Variants in TNRC6C observed in about 807,000 individuals in gnomAD.
TNRC6C encodes the protein trinucleotide repeat-containing gene 6C protein.
In TNRC6C, 20 loss-of-function variants were observed where a neutral mutation model predicts 153.7. The observed-to-expected ratio is 0.13, with a 90% CI of 0.09 to 0.19. The LOEUF is 0.19. TNRC6C is among the 10% of genes least tolerant of loss of function. The pLI is 1.00. For synonymous variants in TNRC6C, 811 were observed against 841.4 expected, an observed-to-expected ratio of 0.96 and a Z score of 0.63; for missense variants, 1,987 against 2,172.0, an observed-to-expected ratio of 0.91 and a Z score of 1.69.
chr17:78,036,858 A>G (rs1402606607), intron 2 of TNRC6C, among the ~76,000 whole-genome samples: 1 of 151,842 alleles, frequency 6.6e-6, no homozygotes, highest in Non-Finnish European at 1.5e-5. Context: ...CAGGAGGCAG[A>G]GGTTGCAGTG....
intron 2 of TNRC6C, among the ~76,000 whole-genome samples, chr17:78,042,587 A>T (rs1310562847): frequency 1.3e-5 from 2 of 151,264 alleles, no homozygotes. Context: ...TTTTTAACGA[A>T]ATTTAACCTT....
At chr17:78,071,186 C>A (rs1448044011) in intron 6 of TNRC6C, 21 bp downstream of exon 8, 15 of 1,582,982 alleles carry the variant, frequency 9.5e-6, no homozygotes, top group Non-Finnish European at 1.3e-5. Context: ...TCGTAGTTTA[C>A]TGCTACCCAC....
chr17:78,067,944 G>A (rs546089343), intron 5 of TNRC6C, 21 bp downstream of exon 7: 18 of 1,587,458 alleles, frequency 1.1e-5, no homozygotes, highest in Middle Eastern at 1.7e-4. Context: ...CACTCTTAAC[G>A]ACGGTACACC....
chr17:78,010,949 A>T (rs1046632379), intron 1 of TNRC6C, among the ~76,000 whole-genome samples: 1 of 152,234 alleles, frequency 6.6e-6, no homozygotes, highest in Non-Finnish European at 1.5e-5. Flanking sequence ...CCTAGCGGCA[A>T]GGAAGCGGGG....
At chr17:78,090,863 A>G (rs2073381221) in intron 13 of TNRC6C, among the ~76,000 whole-genome samples, 1 of 152,260 alleles carries the variant, frequency 6.6e-6, no homozygotes, top group South Asian at 2.1e-4. Context: ...CACTAAAGGT[A>G]GAACTGAATT....
At chr17:78,098,497 G>T (rs1449857855) in exon 17 of TNRC6C, 1 of 1,613,786 alleles carries the variant, frequency 6.2e-7, no homozygotes, top group Non-Finnish European at 8.5e-7. Context: ...CCTCCACCTG[G>T]GGTGCCAGCC....
Position 77,997,388 on chromosome 17 carries a change from C to T in TNRC6C, c.-37-6782C>T, listed in dbSNP as rs567767272. Among the ~76,000 whole-genome samples the T allele has an allele frequency of 4.0e-4, 61 of 152,300 alleles. 2 individuals carry two copies. The South Asian group carries it at 0.012, about 31-fold the overall frequency. Reference sequence around the variant, plus strand: ...TATAGGTCCCTGCTGTCATCTCTTCCTAACTAGTAATCAAATCCCAGTGCT... The same window carrying T: ...TATAGGTCCCTGCTGTCATCTCTTCTTAACTAGTAATCAAATCCCAGTGCT... On this transcript the variant is annotated intron_variant, in intron 1 of 22. Transcript: ENST00000636222.
At chr17:77,997,855 C>T (rs951940418) in intron 1 of TNRC6C, among the ~76,000 whole-genome samples, 2 of 151,908 alleles carry the variant, frequency 1.3e-5, no homozygotes, top group Non-Finnish European at 2.9e-5. Context: ...GGGGTTTCAC[C>T]GTGTTAGCCA....
At chr17:78,090,671 G>A (rs1055117117) in intron 13 of TNRC6C, among the ~76,000 whole-genome samples, 2 of 152,168 alleles carry the variant, frequency 1.3e-5, no homozygotes, top group African/African-American at 4.8e-5. Flanking sequence ...GCTTAGTGCA[G>A]GTCCTGGACA....
At chr17:78,064,628 C>T in intron 3 of TNRC6C, 94 bp from the exon 6 acceptor site, 1 of 1,213,090 alleles carries the variant, frequency 8.2e-7, no homozygotes, top group Non-Finnish European at 1.2e-6. Context: ...GATAGATTAT[C>T]TTGAAATTAT....
chr17:78,071,163 C>T (rs756746618), exon 6 of TNRC6C: 1 of 1,600,590 alleles, frequency 6.2e-7, no homozygotes, highest in Non-Finnish European at 8.5e-7. Flanking sequence ...CATGGGCTTC[C>T]CGGTAACTGG....
chr17:78,065,572 A>G (rs1477536242), intron 4 of TNRC6C, among the ~76,000 whole-genome samples: 5 of 152,200 alleles, frequency 3.3e-5, no homozygotes, highest in Non-Finnish European at 7.3e-5. Flanking sequence ...TAAACCTGCT[A>G]TTTCACTGAG....
At chr17:77,975,117 GA>G (rs550548933) in intron 1 of TNRC6C, among the ~76,000 whole-genome samples, 101 of 152,132 alleles carry the variant, frequency 6.6e-4, no homozygotes, top group African/African-American at 2.0e-3. Context: ...TGTATGGGGG[GA>G]AAAAAATTCT....
At chr17:78,107,915 A>T (rs2073731402) in exon 20 of TNRC6C, 1 of 152,202 alleles carries the variant, frequency 6.6e-6, no homozygotes, top group African/African-American at 2.4e-5. Flanking sequence ...CTATTTTTGT[A>T]AAATCACCTT....
chr17:78,094,684 C>T (rs2073452765), intron 16 of TNRC6C, among the ~76,000 whole-genome samples: 1 of 152,204 alleles, frequency 6.6e-6, no homozygotes, highest in Non-Finnish European at 1.5e-5. Flanking sequence ...AAGTGATCCG[C>T]CTGCTTTGGC....
intron 1 of TNRC6C, among the ~76,000 whole-genome samples, chr17:77,968,972 C>T (rs993742809): frequency 6.6e-6 from 1 of 152,160 alleles, no homozygotes; most frequent in Non-Finnish European, 1.5e-5. Flanking sequence ...AGCGTTCTTT[C>T]ATTCTGTGTA....
At chr17:77,996,119 T>C (rs1020797269) in intron 1 of TNRC6C, among the ~76,000 whole-genome samples, 1 of 152,216 alleles carries the variant, frequency 6.6e-6, no homozygotes, top group Non-Finnish European at 1.5e-5. Context: ...CATGTTAATA[T>C]GGCAATACTA....
chr17:78,102,687 A>T, intron 18 of TNRC6C, 143 bp downstream of exon 21: 1 of 756,938 alleles, frequency 1.3e-6, no homozygotes, highest in Non-Finnish European at 2.1e-6. Flanking sequence ...ATGGGAGGAG[A>T]TGAGCAAGTG....
chr17:77,983,748 A>G (rs1487201122), intron 1 of TNRC6C, among the ~76,000 whole-genome samples: 2 of 152,218 alleles, frequency 1.3e-5, no homozygotes, highest in Non-Finnish European at 1.5e-5. Flanking sequence ...CTGTATGTTT[A>G]TATGTATTAA....
Sources: allele counts gnomAD v4.1 joint callset (sites outside exome capture counted in the v4.1 genomes callset), GRCh38; gene constraint gnomAD v4.1.1; transcripts MANE v1.5; gene names NCBI Gene and HGNC (gene_info 2026-07-23, HGNC 2026-07-21).